The following VAV3 variants were observed in gnomAD, a reference collection of about 807,000 sequenced individuals.
VAV3 encodes guanine nucleotide exchange factor VAV3.
Under a neutral mutation model 131.2 loss-of-function variants are expected in VAV3, and 94 were observed. The ratio of observed to expected loss-of-function variants is 0.72; its 90% CI spans 0.61 to 0.85. The LOEUF (loss-of-function observed/expected upper bound fraction) is 0.85. Ranked by LOEUF, VAV3 falls within the 40% of genes least tolerant of loss-of-function variation. The pLI is 0.00. For missense variants in VAV3, 939 were observed against 1,002.7 expected, an observed-to-expected ratio of 0.94 and a Z score of 0.86; for synonymous variants, 349 against 342.0, an observed-to-expected ratio of 1.02 and a Z score of -0.22.
chr1:107,934,625 T>C (rs1673619561), intron 1 of VAV3, among the ~76,000 whole-genome samples: 1 of 152,200 alleles, frequency 6.6e-6, no homozygotes, highest in Admixed American at 6.5e-5. Flanking sequence ...CAAACACAGG[T>C]AGCTCTGTTA....
chr1:107,941,278 C>T (rs1170958384), intron 1 of VAV3, among the ~76,000 whole-genome samples: 1 of 152,198 alleles, frequency 6.6e-6, no homozygotes, highest in Admixed American at 6.5e-5. Context: ...AAGGACTAAA[C>T]TGAATGTGGT....
intron 2 of VAV3, among the ~76,000 whole-genome samples, chr1:107,863,752 TA>T (rs1169382752): frequency 6.6e-6 from 1 of 152,124 alleles, no homozygotes; most frequent in Non-Finnish European, 1.5e-5. Context: ...AGAGTTTTTT[TA>T]AAAAACTACC....
chr1:107,653,662 A>G (rs1475868116), intron 19 of VAV3, among the ~76,000 whole-genome samples: 2 of 152,144 alleles, frequency 1.3e-5, no homozygotes, highest in Non-Finnish European at 2.9e-5. Flanking sequence ...ACATGAGCAG[A>G]GTGAATATAT....
chr1:107,620,339 G>A (rs1403229726), intron 20 of VAV3, among the ~76,000 whole-genome samples: 3 of 152,036 alleles, frequency 2.0e-5, no homozygotes, highest in Non-Finnish European at 4.4e-5. Flanking sequence ...TTATAATGAT[G>A]GTGCTCCCAT....
intron 22 of VAV3, among the ~76,000 whole-genome samples, chr1:107,606,977 T>C (rs1239839210): frequency 1.4e-5 from 2 of 147,466 alleles, no homozygotes; most frequent in African/African-American, 5.0e-5. Flanking sequence ...TTTTTTAAGA[T>C]GAAATCTCAC....
chr1:107,777,337 A>T (rs921154184), intron 3 of VAV3, 41 bp from the exon 4 acceptor site: 1 of 1,572,644 alleles, frequency 6.4e-7, no homozygotes, highest in Non-Finnish European at 8.7e-7. Flanking sequence ...AAACAAACCC[A>T]TGAGTGAACG....
At chr1:107,910,051 A>C (rs916972380) in intron 1 of VAV3, among the ~76,000 whole-genome samples, 3 of 152,220 alleles carry the variant, frequency 2.0e-5, no homozygotes, top group Non-Finnish European at 2.9e-5. Context: ...ACACTGCATG[A>C]ATTCTTCATT....
At chr1:107,650,076 A>G (rs1284332137) in intron 19 of VAV3, among the ~76,000 whole-genome samples, 1 of 152,026 alleles carries the variant, frequency 6.6e-6, no homozygotes, top group Non-Finnish European at 1.5e-5. Flanking sequence ...TGGGAGGAAA[A>G]ATGTAACAGG....
intron 25 of VAV3, among the ~76,000 whole-genome samples, chr1:107,592,472 T>C (rs11185142): frequency 0.058 from 8,791 of 152,182 alleles, 628 homozygotes; most frequent in African/African-American, 0.17. Flanking sequence ...TATATAAATA[T>C]AGTGATAGCC....
At chr1:107,778,273 A>C (rs143228120) in intron 3 of VAV3, among the ~76,000 whole-genome samples, 87 of 152,322 alleles carry the variant, frequency 5.7e-4, no homozygotes, top group South Asian at 3.7e-3. Flanking sequence ...TAGTCTCATA[A>C]TCATTTTTTA....
chr1:107,783,029 G>T (rs751394251), intron 2 of VAV3, among the ~76,000 whole-genome samples: 9 of 152,176 alleles, frequency 5.9e-5, no homozygotes, highest in Non-Finnish European at 1.0e-4. Context: ...GTAAATCCAT[G>T]TCATGAATTT....
chr1:107,921,777 T>C (rs1672910707), intron 1 of VAV3, among the ~76,000 whole-genome samples: 1 of 152,248 alleles, frequency 6.6e-6, no homozygotes, highest in Admixed American at 6.5e-5. Context: ...TACTGTAACA[T>C]TCTAAGAAAA....
chr1:107,899,618 A>G (rs1671764507), intron 1 of VAV3, among the ~76,000 whole-genome samples: 1 of 152,194 alleles, frequency 6.6e-6, no homozygotes, highest in South Asian at 2.1e-4. Flanking sequence ...GGAATTTTCT[A>G]AGGCAGAATG....
chr1:107,652,057 T>C (rs1656214165), intron 19 of VAV3, among the ~76,000 whole-genome samples: 1 of 152,144 alleles, frequency 6.6e-6, no homozygotes, highest in Non-Finnish European at 1.5e-5. Context: ...TGACACCTAG[T>C]GGGCTGCACT....
chr1:107,927,391 G>T (rs889751341), intron 1 of VAV3, among the ~76,000 whole-genome samples: 2 of 152,166 alleles, frequency 1.3e-5, no homozygotes, highest in African/African-American at 2.4e-5. Flanking sequence ...TATGGAGAGA[G>T]ATGCCTTCTG....
chr1:107,919,814 T>C (rs1672803686), intron 1 of VAV3, among the ~76,000 whole-genome samples: 1 of 151,734 alleles, frequency 6.6e-6, no homozygotes, highest in South Asian at 2.1e-4. Context: ...GGTATCTTAA[T>C]AAGAACAGAA....
chr1:107,869,582 T>C (rs1009919073), intron 2 of VAV3, among the ~76,000 whole-genome samples: 4 of 152,182 alleles, frequency 2.6e-5, no homozygotes, highest in South Asian at 2.1e-4. Context: ...CAAGACTGTA[T>C]ACTAATAGGG....
chr1:107,704,064 A>G (rs1257130767), intron 17 of VAV3, among the ~76,000 whole-genome samples: 1 of 152,230 alleles, frequency 6.6e-6, no homozygotes, highest in Non-Finnish European at 1.5e-5. Context: ...TAAGTGCTGC[A>G]AAATGACAAT....
At chr1:107,704,529 G>C in intron 17 of VAV3, 21 bp downstream of exon 17, 1 of 1,589,828 alleles carries the variant, frequency 6.3e-7, no homozygotes, top group Middle Eastern at 1.7e-4. Flanking sequence ...AAACAGAATT[G>C]CAACAATAAA....
Sources: gnomAD v4.1 joint callset for allele counts (sites outside exome capture counted in the v4.1 genomes callset) on GRCh38, gnomAD v4.1.1 for gene constraint, MANE v1.5 for transcripts, NCBI Gene and HGNC (gene_info 2026-07-23, HGNC 2026-07-21) for gene names.